Variants in KIF12 observed in about 807,000 individuals in gnomAD.
KIF12 encodes kinesin family member 12, also known as kinesin-like protein KIF12.
In KIF12, 80 loss-of-function variants were observed where a neutral mutation model predicts 87.9. The ratio of observed to expected loss-of-function variants is 0.91; its 90% CI spans 0.76 to 1.10. The LOEUF is 1.10. Among genes scored for constraint, KIF12 ranks in the 50% least tolerant of loss-of-function variants. The probability of loss-of-function intolerance (pLI) is 0.00; values close to 1 mark genes in which losing one functional copy is unlikely to be tolerated. For synonymous variants in KIF12, 353 were observed against 348.5 expected (o/e 1.01, Z -0.14); for missense variants, 819 against 865.3 (o/e 0.95, Z 0.67).
Position 114,098,386 on chromosome 9 carries a change from C to CCGAAG in KIF12, c.210_214dup (p.Gly72AlafsTer6). On this transcript the variant is annotated frameshift_variant, in exon 4 of 19. Coordinates refer to ENST00000640217, the MANE Select transcript of KIF12 (RefSeq NM_001388308.1). LOFTEE classifies it high-confidence loss of function. Reference sequence around the variant, plus strand: ...CGTGCGCGCCGCGTCTAGCACCGCACCGAAGCGGAACGCCACTTCTGGACC... The same window carrying CCGAAG: ...CGTGCGCGCCGCGTCTAGCACCGCACCGAAGCGAAGCGGAACGCCACTTCTGGACC... 6.6e-7 allele frequency: 1 copy of CCGAAG among 1,513,872 alleles called. No homozygotes were observed. Among genetic ancestry groups the CCGAAG allele is most frequent in the Non-Finnish European group, 8.8e-7 (1 of 1,137,006 alleles). 93.8% of individuals were successfully genotyped at this position (1,513,872 alleles called of 1,614,324 possible).
chr9:114,095,644 G>A (rs1178951566), intron 9 of KIF12, among the ~76,000 whole-genome samples: 2 of 152,152 alleles, frequency 1.3e-5, no homozygotes, highest in Non-Finnish European at 2.9e-5. Flanking sequence ...ATGCCACAGA[G>A]GAATACTGAG....
Position 114,098,234 on chromosome 9 carries a change from G to A in KIF12, c.300-44C>T, listed in dbSNP as rs781598762. On this transcript the variant is annotated intron_variant, in intron 4 of 18. Coordinates refer to ENST00000640217, the MANE Select transcript of KIF12 (RefSeq NM_001388308.1). ...TGGCTGGACTCCGGCGGCTACCCGG[G>A]GTGGGGGCTGGGGGTGCTTCGGGGC... 26 of 1,520,772 alleles carry A rather than the reference G, an allele frequency of 1.7e-5. No individual in the cohort carries two copies. The African/African-American group carries it at 3.1e-4, about 18-fold the overall frequency. 94.2% of individuals were successfully genotyped at this position (1,520,772 alleles called of 1,614,324 possible).
chr9:114,094,561 C>A (rs1847133163), intron 11 of KIF12, 106 bp from the exon 12 acceptor site: 6 of 667,616 alleles, frequency 9.0e-6, no homozygotes, highest in Non-Finnish European at 1.6e-5. Flanking sequence ...CCAGCCCATG[C>A]TTCATTCGTC....
Position 114,097,349 on chromosome 9 carries a change from C to A in KIF12, c.598G>T (p.Val200Leu), listed in dbSNP as rs76057724. Residue 200 changes from valine (V) to leucine (L), a missense_variant, in exon 7 of 19, where the codon GTG (valine) becomes TTG (leucine). By Grantham distance (32) the Val-to-Leu change is conservative. Transcript: ENST00000640217. ...TRGFYVEQLR[V>L]VEFGSLEALM... is the part of the protein sequence containing the mutation. ...GCCTCCAGACTCCCAAATTCCACCA[C>A]CCGCAGCTGCTCCACATAGAAGCCC... 2,887 of 1,611,174 alleles carry A rather than the reference C, an allele frequency of 1.8e-3. 37 individuals carry two copies. In the African/African-American group the frequency reaches 0.026, roughly 14 times the overall value.
rs532088975 is a variant in KIF12 at position 114,093,599 on chromosome 9, T to C, written c.1401-102A>G. 2.7e-5 allele frequency: 26 copies of C among 977,330 alleles called. No homozygotes were observed. In the South Asian group the frequency reaches 3.3e-4, roughly 12 times the overall value. The allele number at this position is 977,330 out of a possible 1,614,324, so 60.5% of individuals were successfully genotyped here. On this transcript the variant is annotated intron_variant, in intron 14 of 18. Coordinates refer to ENST00000640217, the MANE Select transcript of KIF12 (RefSeq NM_001388308.1). ...TAATACTCCTGGATCCCGTACCAGG[T>C]ACCGGGCCCCATTCTCAAAGTTTTA...
At position 114,093,388 on chromosome 9, in the gene KIF12, G is replaced by A; in HGVS notation, c.1491+19C>T. The A allele has an allele frequency of 1.3e-6, 2 of 1,558,586 alleles. No individual in the cohort carries two copies. The highest frequency in any genetic ancestry group is 1.7e-6 in the Non-Finnish European group (2 of 1,150,560). On this transcript the variant is annotated intron_variant, in intron 15 of 18. Transcript: ENST00000640217. ...ACATCCCTACTTGTCACCCCTCCAGGCTGGGCCGTGAGACTCACATGGCAA... is the reference window on the plus strand; with the variant it reads ...ACATCCCTACTTGTCACCCCTCCAGACTGGGCCGTGAGACTCACATGGCAA...
intron 3 of KIF12, 44 bp from the exon 4 acceptor site, chr9:114,098,473 C>CGGGGCACTCTGGAGGAGGGG: frequency 8.1e-7 from 1 of 1,229,860 alleles, no homozygotes; most frequent in Non-Finnish European, 1.0e-6. Flanking sequence ...TGGAGGAGGG[C>CGGGGCACTCTGGAGGAGGGG]GGGGCACCCT....
At chr9:114,098,889 G>A in intron 3 of KIF12, 46 bp downstream of exon 3, 1 of 1,532,922 alleles carries the variant, frequency 6.5e-7, no homozygotes, top group South Asian at 1.2e-5. Flanking sequence ...GGGATCTGGC[G>A]TCCCCGGGAT....
At chr9:114,094,307 C>A (rs1284666770) in intron 12 of KIF12, 36 bp from the exon 13 acceptor site, 1 of 1,609,950 alleles carries the variant, frequency 6.2e-7, no homozygotes. Flanking sequence ...TCCACAGGAG[C>A]CCCAGACCCT....
chr9:114,096,123 C>T lies in KIF12; in HGVS notation c.823G>A (p.Val275Ile), dbSNP rs1487114773. The T allele has an allele frequency of 2.5e-6, 4 of 1,613,830 alleles. No homozygotes were observed. The African/African-American group carries it at 5.3e-5, about 22-fold the overall frequency. The part of the protein sequence containing the change: ...CFVDLAGSEK[V>I]AATGSRGELM... ...TCCCCACGGGATCCCGTGGCTGCTA[C>T]CTTCTCACTGCCTGCCAGGTCCACA... is the stretch of plus-strand genomic sequence containing the variant. Residue 275 changes from valine (V) to isoleucine (I), a missense_variant, in exon 9 of 19, where the codon GTA becomes ATA. Val to Ile is a conservative substitution (Grantham distance 29, BLOSUM62 3). Transcript: ENST00000640217.
At chr9:114,097,267 C>T in intron 7 of KIF12, 34 bp downstream of exon 7, 1 of 1,600,938 alleles carries the variant, frequency 6.2e-7, no homozygotes, top group Non-Finnish European at 8.5e-7. Flanking sequence ...AATGGGCACC[C>T]CTACCCGCAA....
chr9:114,091,853 C>A lies in KIF12; in HGVS notation c.*8G>T, dbSNP rs377736009. ...CACACAGCAGTCTCCTGGGTTCCCACTTGGCCTTCAATGGGGAGGGAGGAC... is the reference window on the plus strand; with the variant it reads ...CACACAGCAGTCTCCTGGGTTCCCAATTGGCCTTCAATGGGGAGGGAGGAC... On this transcript the variant is annotated 3_prime_UTR_variant, in exon 19 of 19. Transcript: ENST00000640217. The A allele has an allele frequency of 6.3e-6, 10 of 1,593,272 alleles. No individual in the cohort carries two copies. Among genetic ancestry groups the A allele is most frequent in the African/African-American group, 2.7e-5 (2 of 74,372 alleles).
chr9:114,098,148 C>T lies in KIF12; in HGVS notation c.342G>A (p.Gly114=). Residue 114 remains glycine (G), a synonymous_variant, in exon 5 of 19, where the codon GGG becomes GGA. Transcript: ENST00000640217. ...TVFTFGQTGS[G]KTYTLTGPPP... ...GGGGTCCAGTCAGGGTGTAGGTCTT[C>T]CCAGAGCCCGTCTGGCCAAAGGTGA... 1 of 1,548,336 alleles carries T rather than the reference C, an allele frequency of 6.5e-7. No homozygotes were observed. The highest frequency in any genetic ancestry group is 2.5e-5 in the East Asian group (1 of 40,796).
chr9:114,098,010 G>A, intron 5 of KIF12, 105 bp downstream of exon 5: 1 of 1,181,676 alleles, frequency 8.5e-7, no homozygotes, highest in Non-Finnish European at 1.2e-6. Flanking sequence ...GTCAGGCGGC[G>A]TCGTCCCAGC....
chr9:114,092,706 C>T, intron 16 of KIF12, 64 bp from the exon 17 acceptor site: 1 of 1,531,276 alleles, frequency 6.5e-7, no homozygotes, highest in Non-Finnish European at 8.7e-7. Flanking sequence ...TCCCACCTAC[C>T]TGGTGCTAGC....
chr9:114,096,606 G>C, intron 7 of KIF12, 128 bp from the exon 8 acceptor site: 1 of 770,090 alleles, frequency 1.3e-6, no homozygotes, highest in Non-Finnish European at 2.2e-6. Context: ...CAACAGAGTG[G>C]GTGTTGTTCA....
At position 114,098,408 on chromosome 9, in the gene KIF12, G is replaced by C. The variant is rs1304605833; in HGVS notation, c.193C>G (p.Pro65Ala). 6.6e-7 allele frequency: 1 copy of C among 1,511,460 alleles called. No homozygotes were observed. The highest frequency in any genetic ancestry group is 8.8e-7 in the Non-Finnish European group (1 of 1,136,934). The allele number at this position is 1,511,460 out of a possible 1,614,324, so 93.6% of individuals were successfully genotyped here. The change falls in exon 4 of 19, where the codon CCA becomes GCA. Residue 65 changes from proline (P) to alanine (A), a missense_variant. Physicochemically the swap from Pro to Ala is conservative, Grantham distance 27. Coordinates refer to ENST00000640217, the MANE Select transcript of KIF12 (RefSeq NM_001388308.1). The part of the protein sequence containing the change: ...TLQVSPPGGG[P>A]EVAFRFGAVL... ...GCACCGAAGCGGAACGCCACTTCTGGACCCCCGCCTGGAGGACTCACCTGG... is the reference window on the plus strand; with the variant it reads ...GCACCGAAGCGGAACGCCACTTCTGCACCCCCGCCTGGAGGACTCACCTGG...
chr9:114,091,778 T>G lies in KIF12; in HGVS notation c.*83A>C, dbSNP rs1284451218. On this transcript the variant is annotated 3_prime_UTR_variant, in exon 19 of 19. Transcript: ENST00000640217. ...GTGGAGTAGCAGCTGCTGTCTCCAT[T>G]CAGCAGATGGGCAGACTGAAGCCCA... 7.2e-7 allele frequency: 1 copy of G among 1,381,758 alleles called. No homozygotes were observed. The highest frequency in any genetic ancestry group is 9.7e-7 in the Non-Finnish European group (1 of 1,030,526). 85.6% of individuals were successfully genotyped at this position (1,381,758 alleles called of 1,614,324 possible).
At chr9:114,097,056 C>T (rs534731415) in intron 7 of KIF12, among the ~76,000 whole-genome samples, 1 of 152,154 alleles carries the variant, frequency 6.6e-6, no homozygotes, top group Non-Finnish European at 1.5e-5. Flanking sequence ...TGGCGGAGGC[C>T]GAGGCCCTGG....
Sources: gnomAD v4.1 joint callset for allele counts (sites outside exome capture counted in the v4.1 genomes callset) on GRCh38, gnomAD v4.1.1 for gene constraint, MANE v1.5 for transcripts, NCBI Gene and HGNC (gene_info 2026-07-23, HGNC 2026-07-21) for gene names.